CBFB: variants seen among roughly 807,000 people sequenced by gnomAD.
CBFB encodes the protein core-binding factor subunit beta.
In CBFB, 9 loss-of-function variants were observed where a neutral mutation model predicts 30.4. The ratio of observed to expected loss-of-function variants is 0.30; its 90% CI spans 0.18 to 0.52. The LOEUF is 0.52. CBFB is among the 20% of genes least tolerant of loss of function. The probability of loss-of-function intolerance (pLI) is 0.97; values close to 1 mark genes in which losing one functional copy is unlikely to be tolerated. For missense variants in CBFB, 170 were observed against 244.0 expected, an observed-to-expected ratio of 0.70 and a Z score of 2.02; for synonymous variants, 94 against 84.0, an observed-to-expected ratio of 1.12 and a Z score of -0.65.
In CBFB at chr16:67,070,077, TTAAAA is replaced by T. The variant is rs1394821391; in HGVS notation, c.399+3283_399+3287del. 3.9e-5 allele frequency among the ~76,000 whole-genome samples: 6 copies of T among 152,340 alleles called. No homozygotes were observed. The South Asian group carries it at 1.0e-3, about 26-fold the overall frequency. On this transcript the variant is annotated intron_variant, in intron 4 of 5. Transcript: ENST00000412916. ...TTGCTTGATATTAACCTTAATAAAG[TTAAAA>T]TAATAACAGGAACATAAAGAAACTC...
chr16:67,090,415 G>A (rs748818798), intron 5 of CBFB, among the ~76,000 whole-genome samples: 6 of 152,146 alleles, frequency 3.9e-5, no homozygotes, highest in Non-Finnish European at 5.9e-5. Flanking sequence ...TCCTTGATCT[G>A]AAAATGTTGA....
At chr16:67,029,523 C>T in intron 1 of CBFB, 38 bp downstream of exon 1, 1 of 1,554,296 alleles carries the variant, frequency 6.4e-7, no homozygotes. Context: ...GGCCGCAGCG[C>T]GCCCCGAGTG....
intron 2 of CBFB, among the ~76,000 whole-genome samples, chr16:67,031,744 CTTAA>C (rs1489701365): frequency 6.6e-6 from 1 of 151,684 alleles, no homozygotes; most frequent in Non-Finnish European, 1.5e-5. Context: ...AACTCCTGAC[CTTAA>C]GTAATCCTCC....
chr16:67,042,600 A>G (rs997692258), intron 3 of CBFB, among the ~76,000 whole-genome samples: 3 of 151,956 alleles, frequency 2.0e-5, no homozygotes, highest in African/African-American at 7.2e-5. Context: ...ATGAGGTTGC[A>G]GTCAAGCTTT....
chr16:67,059,814 T>C (rs1272194258), intron 3 of CBFB, among the ~76,000 whole-genome samples: 1 of 152,148 alleles, frequency 6.6e-6, no homozygotes, highest in African/African-American at 2.4e-5. Context: ...CATGGTATTG[T>C]TGATGGCTGC....
chr16:67,083,298 A>ATTTTT (rs774691069), intron 5 of CBFB, among the ~76,000 whole-genome samples: 1 of 143,566 alleles, frequency 7.0e-6, no homozygotes, highest in Non-Finnish European at 1.5e-5. Context: ...CATTATTTTG[A>ATTTTT]TTTTTTTTTT....
intron 5 of CBFB, among the ~76,000 whole-genome samples, chr16:67,093,238 T>C (rs964570920): frequency 4.6e-5 from 7 of 152,236 alleles, no homozygotes; most frequent in Non-Finnish European, 8.8e-5. Context: ...TGAGCCACCA[T>C]GCCCAGCTGT....
At chr16:67,066,613 T>A in intron 3 of CBFB, 69 bp from the exon 4 acceptor site, 2 of 803,582 alleles carry the variant, frequency 2.5e-6, no homozygotes, top group Non-Finnish European at 4.2e-6. Flanking sequence ...TTTATATAAG[T>A]AAGTTTAATC....
intron 3 of CBFB, among the ~76,000 whole-genome samples, chr16:67,052,251 A>G (rs1960576020): frequency 6.6e-6 from 1 of 152,140 alleles, no homozygotes; most frequent in African/African-American, 2.4e-5. Flanking sequence ...ATTAAAATTA[A>G]TTTCACCTCT....
At chr16:67,095,394 G>A (rs974441613) in intron 5 of CBFB, among the ~76,000 whole-genome samples, 4 of 152,040 alleles carry the variant, frequency 2.6e-5, no homozygotes, top group Non-Finnish European at 5.9e-5. Flanking sequence ...CTGCGTGCCT[G>A]TAGTTCCAGC....
intron 3 of CBFB, among the ~76,000 whole-genome samples, chr16:67,044,090 T>G (rs1420103047): frequency 1.3e-5 from 2 of 152,264 alleles, no homozygotes; most frequent in Non-Finnish European, 2.9e-5. Context: ...CAATTACTTT[T>G]ATTTCAAATA....
intron 4 of CBFB, among the ~76,000 whole-genome samples, chr16:67,072,876 T>C (rs985875695): frequency 5.3e-5 from 8 of 152,068 alleles, no homozygotes; most frequent in East Asian, 3.9e-4. Flanking sequence ...CGTGCTTGGC[T>C]AATTTTTTTT....
At chr16:67,082,388 A>G (rs200856054) in intron 5 of CBFB, 80 bp downstream of exon 5, 344 of 1,532,520 alleles carry the variant, frequency 2.2e-4, no homozygotes, top group Non-Finnish European at 4.9e-5. Flanking sequence ...ATGTTTGTGC[A>G]TAATGCTTTT....
intron 4 of CBFB, among the ~76,000 whole-genome samples, chr16:67,072,016 ACT>A (rs1426926128): frequency 6.6e-6 from 1 of 152,074 alleles, no homozygotes; most frequent in Non-Finnish European, 1.5e-5. Context: ...GGCAGAAATA[ACT>A]CTTCTGAATT....
intron 3 of CBFB, among the ~76,000 whole-genome samples, chr16:67,058,610 A>G (rs965732990): frequency 1.5e-4 from 23 of 152,186 alleles, no homozygotes; most frequent in Non-Finnish European, 2.8e-4. Flanking sequence ...GTTAACAGGT[A>G]ATAAACATTT....
chr16:67,045,174 T>C (rs901471687), intron 3 of CBFB, among the ~76,000 whole-genome samples: 2 of 152,172 alleles, frequency 1.3e-5, no homozygotes, highest in Non-Finnish European at 2.9e-5. Context: ...ATTTTAGTTA[T>C]TTTAGTTATT....
At chr16:67,055,353 C>CTTTTTT (rs1960686305) in intron 3 of CBFB, among the ~76,000 whole-genome samples, 5 of 117,428 alleles carry the variant, frequency 4.3e-5, no homozygotes, top group African/African-American at 7.5e-5. Context: ...ATTCCAGACA[C>CTTTTTT]TTTCTTTTTT....
intron 3 of CBFB, among the ~76,000 whole-genome samples, chr16:67,063,817 ATTG>A (rs1960978128): frequency 6.6e-6 from 1 of 152,160 alleles, no homozygotes; most frequent in African/African-American, 2.4e-5. Flanking sequence ...GCAGTCAGTT[ATTG>A]TTATTAAACA....
intron 3 of CBFB, among the ~76,000 whole-genome samples, chr16:67,055,259 CAG>C (rs1438610910): frequency 6.6e-5 from 10 of 150,562 alleles, no homozygotes; most frequent in Non-Finnish European, 1.3e-4. Flanking sequence ...TTATTCTTAA[CAG>C]AAGTCTGAGT....
Sources: gnomAD v4.1 joint callset for allele counts (sites outside exome capture counted in the v4.1 genomes callset) on GRCh38, gnomAD v4.1.1 for gene constraint, MANE v1.5 for transcripts, NCBI Gene and HGNC (gene_info 2026-07-23, HGNC 2026-07-21) for gene names.